The following APOD variants were observed in gnomAD, a reference collection of about 807,000 sequenced individuals.
APOD encodes apo-D.
A neutral mutation model predicts 20.4 loss-of-function variants in APOD; 22 were observed. That is an observed-to-expected ratio of 1.08 (90% CI 0.77 to 1.54). The LOEUF (loss-of-function observed/expected upper bound fraction) is 1.54. Among genes scored for constraint, APOD ranks in the 40% most tolerant of loss-of-function variants. APOD has a pLI of 0.00. For missense variants in APOD, 223 were observed against 229.6 expected (o/e 0.97, Z 0.19); for synonymous variants, 97 against 92.4 (o/e 1.05, Z -0.29).
At chr3:195,579,301 G>A in intron 2 of APOD, 38 bp downstream of exon 2, 1 of 1,613,100 alleles carries the variant, frequency 6.2e-7, no homozygotes, top group Non-Finnish European at 8.5e-7. Flanking sequence ...CTTATTCACA[G>A]CGGAGGCAGC....
At chr3:195,581,912 A>G (rs181012598) in intron 1 of APOD, among the ~76,000 whole-genome samples, 3 of 152,160 alleles carry the variant, frequency 2.0e-5, no homozygotes, top group Non-Finnish European at 4.4e-5. Context: ...CGGTGGCTCA[A>G]GCCTGTAATC....
chr3:195,575,517 C>A (rs921741850), intron 2 of APOD, among the ~76,000 whole-genome samples: 25 of 152,088 alleles, frequency 1.6e-4, no homozygotes, highest in African/African-American at 6.0e-4. Context: ...CTAGTTGCTA[C>A]TGGGGAGGGA....
intron 2 of APOD, among the ~76,000 whole-genome samples, chr3:195,578,089 AT>A (rs1277246925): frequency 1.1e-4 from 17 of 152,334 alleles, no homozygotes; most frequent in African/African-American, 4.1e-4. Flanking sequence ...TAAAGCTGCT[AT>A]TTTTTAAATC....
chr3:195,577,931 G>A (rs1421246139), intron 2 of APOD, among the ~76,000 whole-genome samples: 1 of 152,196 alleles, frequency 6.6e-6, no homozygotes, highest in Non-Finnish European at 1.5e-5. Context: ...TCCGTGAATG[G>A]GTATGAGGTT....
At chr3:195,576,711 G>T (rs1194882535) in intron 2 of APOD, among the ~76,000 whole-genome samples, 2 of 152,160 alleles carry the variant, frequency 1.3e-5, no homozygotes, top group African/African-American at 4.8e-5. Context: ...TCGGGAGGCT[G>T]AGGCAGGATA....
chr3:195,578,566 C>T (rs1180620067), intron 2 of APOD, among the ~76,000 whole-genome samples: 1 of 152,146 alleles, frequency 6.6e-6, no homozygotes, highest in Non-Finnish European at 1.5e-5. Context: ...CTTTCTGCCG[C>T]CCTCTTCCTT....
chr3:195,581,121 A>G (rs534777060), intron 1 of APOD, among the ~76,000 whole-genome samples: 16 of 152,340 alleles, frequency 1.1e-4, no homozygotes, highest in African/African-American at 3.1e-4. Context: ...ATACCCTTTA[A>G]TAATCAATAG....
At position 195,568,877 on chromosome 3, in the gene APOD, T is replaced by C; in HGVS notation, c.*23A>G. ...CGAAGCAGAAGTAACATGGAGTGGG[T>C]GCAGCCTCCCTGTAGAACCTGGTTA... On this transcript the variant is annotated 3_prime_UTR_variant, in exon 5 of 5. Transcript: ENST00000343267. 1 of 1,561,494 alleles carries C rather than the reference T, an allele frequency of 6.4e-7. No individual in the cohort carries two copies. The highest frequency in any genetic ancestry group is 1.1e-5 in the South Asian group (1 of 90,014).
In APOD at chr3:195,569,154, C is replaced by T. The variant is rs774223065; in HGVS notation, c.335-19G>A. 3.7e-6 allele frequency: 6 copies of T among 1,604,072 alleles called. No homozygotes were observed. The Admixed American group carries it at 5.0e-5, about 13-fold the overall frequency. On this transcript the variant is annotated intron_variant, in intron 4 of 4. Transcript: ENST00000343267. The stretch of plus-strand genomic sequence containing the variant: ...GGCATAACTGAGAACCAGAGAGAGG[C>T]AGCATTATTGGAGGGAGAGGGCAAG...
At chr3:195,581,113 A>G (rs1720330736) in intron 1 of APOD, among the ~76,000 whole-genome samples, 1 of 152,202 alleles carries the variant, frequency 6.6e-6, no homozygotes, top group African/African-American at 2.4e-5. Flanking sequence ...ACCTCTAAAT[A>G]CCCTTTAATA....
chr3:195,583,874 A>G lies in APOD; in HGVS notation c.-35+4T>C, dbSNP rs1028417900. 3 of 152,224 alleles carry G rather than the reference A, an allele frequency of 2.0e-5. No homozygotes were observed. The highest frequency in any genetic ancestry group is 2.0e-4 in the Admixed American group (3 of 15,292). The allele number at this position is 152,224 out of a possible 1,614,324, so 9.4% of individuals were successfully genotyped here. ...AATGAAAAGCTTAAAACTACAGTAC[A>G]TACCTTTTCTTTCAAGATGAAGGCA... On this transcript the variant is annotated splice_donor_region_variant and intron_variant, in intron 1 of 4. Coordinates refer to ENST00000343267, the MANE Select transcript of APOD (RefSeq NM_001647.4).
rs375215213 is a variant in APOD at position 195,568,839 on chromosome 3, G to GT, written c.*60_*61insA. ...TGATTGGTTTGTCTTTATGGGGGGG[G>GT]GGTAGGGGAAAGCGAAGCAGAAGTA... On this transcript the variant is annotated 3_prime_UTR_variant, in exon 5 of 5. Transcript: ENST00000343267. 9 of 1,242,798 alleles carry GT rather than the reference G, an allele frequency of 7.2e-6. No homozygotes were observed. In the Admixed American group the frequency reaches 1.2e-4, roughly 17 times the overall value. 77.0% of individuals were successfully genotyped at this position (1,242,798 alleles called of 1,614,324 possible).
At chr3:195,569,902 C>A (rs1256631541) in intron 4 of APOD, among the ~76,000 whole-genome samples, 2 of 145,760 alleles carry the variant, frequency 1.4e-5, no homozygotes, top group East Asian at 4.1e-4. Context: ...TGGGTTCAAG[C>A]GATTCTCCTG....
chr3:195,571,818 C>T (rs1181696923), intron 3 of APOD, among the ~76,000 whole-genome samples: 1 of 151,310 alleles, frequency 6.6e-6, no homozygotes, highest in African/African-American at 2.4e-5. Flanking sequence ...CTTGCTCTGT[C>T]CCCCAGGCTG....
rs1235910979 is a variant in APOD, at chr3:195,568,832, G to GGGGGT, written c.*67_*68insACCCC. 1.1e-6 allele frequency: 1 copy of GGGGGT among 879,778 alleles called. No individual in the cohort carries two copies. The highest frequency in any genetic ancestry group is 2.6e-5 in the African/African-American group (1 of 39,088). 54.5% of individuals were successfully genotyped at this position (879,778 alleles called of 1,614,324 possible). A position where few individuals can be genotyped will look rare whatever the true frequency, so the allele number is the denominator to read the frequency against. ...TCGTGGTTGATTGGTTTGTCTTTAT[G>GGGGGT]GGGGGGGGGTAGGGGAAAGCGAAGC... On this transcript the variant is annotated 3_prime_UTR_variant, in exon 5 of 5. Transcript: ENST00000343267.
chr3:195,582,960 T>C (rs1328974443), intron 1 of APOD: 1 of 152,110 alleles, frequency 6.6e-6, no homozygotes, highest in African/African-American at 2.4e-5. Flanking sequence ...AATATGATTT[T>C]TAACAGAATA....
At chr3:195,572,782 G>T (rs141428067) in intron 3 of APOD, among the ~76,000 whole-genome samples, 2,431 of 152,166 alleles carry the variant, frequency 0.016, 65 homozygotes, top group African/African-American at 0.055. Flanking sequence ...GAGGCCAAGG[G>T]GGGGCGGATC....
chr3:195,579,227 A>G, intron 2 of APOD, 112 bp downstream of exon 2: 1 of 1,498,384 alleles, frequency 6.7e-7, no homozygotes, highest in Non-Finnish European at 9.1e-7. Flanking sequence ...AATAAGATAA[A>G]TACTTGTCCC....
chr3:195,569,786 G>GTTT (rs543541862), intron 4 of APOD, among the ~76,000 whole-genome samples: 761 of 54,024 alleles, frequency 0.014, 206 homozygotes, highest in Middle Eastern at 0.056. Context: ...CTTCTTCTTC[G>GTTT]TTTTTTTTTT....
Sources: allele counts gnomAD v4.1 joint callset (sites outside exome capture counted in the v4.1 genomes callset), GRCh38; gene constraint gnomAD v4.1.1; transcripts MANE v1.5; gene names NCBI Gene and HGNC (gene_info 2026-07-23, HGNC 2026-07-21).